Variants in CLK3 observed in about 807,000 individuals in gnomAD.
CLK3 encodes the protein dual specificity protein kinase CLK3.
In CLK3, 24 loss-of-function variants were observed where a neutral mutation model predicts 65.2. The observed-to-expected ratio is 0.37, with a 90% CI of 0.27 to 0.52. CLK3 has a LOEUF of 0.52. Among genes scored for constraint, CLK3 ranks in the 20% least tolerant of loss-of-function variants. The probability of loss-of-function intolerance (pLI) is 0.92; values close to 1 mark genes in which losing one functional copy is unlikely to be tolerated. For missense variants in CLK3, 506 were observed against 660.0 expected, an observed-to-expected ratio of 0.77 and a Z score of 2.56; for synonymous variants, 252 against 240.8, an observed-to-expected ratio of 1.05 and a Z score of -0.43.
Position 74,619,339 on chromosome 15 carries a change from G to A in CLK3, c.143G>A (p.Arg48Gln), listed in dbSNP as rs183588535. 65 of 1,614,054 alleles carry A rather than the reference G, an allele frequency of 4.0e-5. No individual in the cohort carries two copies. In the African/African-American group the frequency reaches 6.1e-4, roughly 15 times the overall value. Reference protein sequence around the residue: ...SRREPPPRRSRSRSHDRLPYQ... With the variant: ...SRREPPPRRSQSRSHDRLPYQ... ...AGGGAGCCTCCCCCACGAAGATCTC[G>A]GTCCAGAAGGTGAGAGGGAACTAGA... Residue 48 changes from arginine (R) to glutamine (Q), a missense_variant, in exon 2 of 13, where the codon CGG (arginine) becomes CAG (glutamine). Arg to Gln is a conservative substitution (Grantham distance 43). This residue lies in a region of CLK3 where 181 missense variants were observed against 159.4 expected (regional missense o/e 1.14). Transcript: ENST00000395066.
upstream of CLK3, chr15:74,615,637 G>C (rs549015478): frequency 1.6e-6 from 2 of 1,252,188 alleles, no homozygotes; most frequent in East Asian, 6.3e-5. Context: ...CGGGAGGCGG[G>C]CCGGGCCAGG....
rs778846487 is a variant in CLK3 at position 74,619,223 on chromosome 15, C to A, written c.27C>A (p.Ser9=). 7 of 1,614,068 alleles carry A rather than the reference C, an allele frequency of 4.3e-6. No individual in the cohort carries two copies. The South Asian group carries it at 4.4e-5, about 10-fold the overall frequency. The change falls in exon 2 of 13, where the codon TCC becomes TCA. Residue 9 remains serine, a synonymous_variant. Transcript: ENST00000395066. Reference sequence around the variant, plus strand: ...TGCATCACTGTAAGCGATACCGCTCCCCTGAACCAGACCCGTACCTGAGCT... The same window carrying A: ...TGCATCACTGTAAGCGATACCGCTCACCTGAACCAGACCCGTACCTGAGCT... MHHCKRYR[S]PEPDPYLSYR... is the part of the protein sequence containing the mutation.
upstream of CLK3, among the ~76,000 whole-genome samples, chr15:74,614,353 G>C (rs946252308): frequency 1.2e-4 from 19 of 152,108 alleles, no homozygotes; most frequent in South Asian, 6.2e-4. Flanking sequence ...TCCTTCTGTC[G>C]ACCAGGCTGG....
chr15:74,627,723 A>G lies in CLK3; in HGVS notation c.1042+55A>G. Reference sequence around the variant, plus strand: ...CATACTGGACTGTTGTTGGGAGGGTATGAGCAGAGGCAGTGGCATGCCTGT... The same window carrying G: ...CATACTGGACTGTTGTTGGGAGGGTGTGAGCAGAGGCAGTGGCATGCCTGT... On this transcript the variant is annotated intron_variant, in intron 9 of 12. Coordinates refer to ENST00000395066, the MANE Select transcript of CLK3 (RefSeq NM_001130028.2). This position sits in a 1 kb window ranked among gnomAD's most constrained non-coding sequence, Gnocchi z 4.3. 1.2e-6 allele frequency: 2 copies of G among 1,606,872 alleles called. No individual in the cohort carries two copies. The highest frequency in any genetic ancestry group is 1.7e-6 in the Non-Finnish European group (2 of 1,175,146).
At chr15:74,615,650 C>T (rs921715158), upstream of CLK3, 55 of 1,249,170 alleles carry the variant, frequency 4.4e-5, no homozygotes, top group South Asian at 3.2e-4. Flanking sequence ...GGGCCAGGCT[C>T]GTCCCCTCGG....
At chr15:74,628,396 A>G (rs1178279643) in intron 10 of CLK3, among the ~76,000 whole-genome samples, 2 of 152,086 alleles carry the variant, frequency 1.3e-5, no homozygotes, top group Admixed American at 6.6e-5. Flanking sequence ...ACCAGAGAGA[A>G]ATGTAGTCAC....
At chr15:74,625,306 A>G (rs937310449) in intron 6 of CLK3, among the ~76,000 whole-genome samples, 2 of 152,220 alleles carry the variant, frequency 1.3e-5, no homozygotes, top group African/African-American at 4.8e-5. Flanking sequence ...GGGCTCTCAC[A>G]TAGTAGGAGA....
chr15:74,615,696 G>GCCGGAGCGGAGAGGGCTGGTGCC, upstream of CLK3: 2 of 1,238,520 alleles, frequency 1.6e-6, no homozygotes, highest in African/African-American at 1.6e-5. Context: ...CGCGGCGCCC[G>GCCGGAGCGGAGAGGGCTGGTGCC]CCGGAGCGGA....
chr15:74,624,528 G>GTCGCC lies in CLK3; in HGVS notation c.534-374_534-373insTCGCC. The GTCGCC allele has an allele frequency of 4.4e-6, 1 of 225,006 alleles. No homozygotes were observed. Among genetic ancestry groups the GTCGCC allele is most frequent in the Non-Finnish European group, 8.9e-6 (1 of 112,682 alleles). 13.9% of individuals were successfully genotyped at this position (225,006 alleles called of 1,614,324 possible). On this transcript the variant is annotated intron_variant, in intron 5 of 12. Transcript: ENST00000395066. This position sits in a 1 kb window ranked among gnomAD's most constrained non-coding sequence, Gnocchi z 4.2. ...AGGCGCCGCAGGAGGGTTCTCGGTG[G>GTCGCC]GACAGCCTGGCCAGGGTTGGGGCTG...
At position 74,621,762 on chromosome 15, in the gene CLK3, G is replaced by A. The variant is rs1251651009; in HGVS notation, c.370-358G>A. The A allele has an allele frequency of 1.4e-5, 5 of 357,894 alleles. No homozygotes were observed. Among genetic ancestry groups the A allele is most frequent in the Non-Finnish European group, 2.8e-5 (5 of 181,700 alleles). 22.2% of individuals were successfully genotyped at this position (357,894 alleles called of 1,614,324 possible). A position where few individuals can be genotyped will look rare whatever the true frequency, so the allele number is the denominator to read the frequency against. On this transcript the variant is annotated intron_variant, in intron 3 of 12. Transcript: ENST00000395066. The surrounding 1 kb of genome is among the most constrained non-coding windows in gnomAD (Gnocchi z 4.8). ...GAGAGACTCGGAGGAGGAGGAGGAGGGAGTCGGGGCGATGGCTCTCCTCAC... is the reference window on the plus strand; with the variant it reads ...GAGAGACTCGGAGGAGGAGGAGGAGAGAGTCGGGGCGATGGCTCTCCTCAC...
At chr15:74,628,148 A>G in intron 10 of CLK3, 96 bp downstream of exon 10, 1 of 814,876 alleles carries the variant, frequency 1.2e-6, no homozygotes, top group Non-Finnish European at 2.1e-6. Flanking sequence ...ATGAGAAGAC[A>G]GGTGTCTTCC....
Position 74,627,843 on chromosome 15 carries a change from A to G in CLK3, c.1043-127A>G. 1 of 1,185,532 alleles carries G rather than the reference A, an allele frequency of 8.4e-7. No individual in the cohort carries two copies. Among genetic ancestry groups the G allele is most frequent in the Admixed American group, 1.8e-5 (1 of 56,132 alleles). The allele number at this position is 1,185,532 out of a possible 1,614,324, so 73.4% of individuals were successfully genotyped here. A position where few individuals can be genotyped will look rare whatever the true frequency, so the allele number is the denominator to read the frequency against. On this transcript the variant is annotated intron_variant, in intron 9 of 12. Transcript: ENST00000395066. The surrounding 1 kb of genome is among the most constrained non-coding windows in gnomAD (Gnocchi z 4.3). Reference sequence around the variant, plus strand: ...TGACCTGGCTTTATCTGTCAGCCTTACTGAGAGAGGGCCTCGTACTGGGAT... The same window carrying G: ...TGACCTGGCTTTATCTGTCAGCCTTGCTGAGAGAGGGCCTCGTACTGGGAT...
In CLK3 at chr15:74,622,262, C is replaced by G. The variant is rs370382489; in HGVS notation, c.466+46C>G. On this transcript the variant is annotated intron_variant, in intron 4 of 12. Coordinates refer to ENST00000395066, the MANE Select transcript of CLK3 (RefSeq NM_001130028.2). The surrounding 1 kb of genome is among the most constrained non-coding windows in gnomAD (Gnocchi z 4.6). Reference sequence around the variant, plus strand: ...ACTTTACCTCTCTACTTTCTACCCCCCTTGTTAGACGAGACCTCTCCTGCC... The same window carrying G: ...ACTTTACCTCTCTACTTTCTACCCCGCTTGTTAGACGAGACCTCTCCTGCC... The G allele has an allele frequency of 1.3e-6, 2 of 1,565,564 alleles. No homozygotes were observed. The highest frequency in any genetic ancestry group is 1.4e-5 in the African/African-American group (1 of 74,070).
Position 74,627,371 on chromosome 15 carries a change from G to C in CLK3, c.837G>C (p.Leu279=). ...CCTTAGTTCTGCATGAGAATCAGCT[G>C]ACCCATACAGACTTGAAACCAGAGA... ...HALRFLHENQ[L]THTDLKPENI... Residue 279 remains leucine (L), a synonymous_variant, in exon 8 of 13, where the codon CTG becomes CTC. Coordinates refer to ENST00000395066, the MANE Select transcript of CLK3 (RefSeq NM_001130028.2). This position sits in a 1 kb window ranked among gnomAD's most constrained non-coding sequence, Gnocchi z 4.3. 6.2e-7 allele frequency: 1 copy of C among 1,613,872 alleles called. No homozygotes were observed. Among genetic ancestry groups the C allele is most frequent in the South Asian group, 1.1e-5 (1 of 91,034 alleles).
Position 74,619,303 on chromosome 15 carries a change from A to T in CLK3, c.107A>T (p.Tyr36Phe). 1.2e-6 allele frequency: 2 copies of T among 1,614,092 alleles called. No homozygotes were observed. The highest frequency in any genetic ancestry group is 2.2e-5 in the South Asian group (2 of 91,074). ...CGGGAACATGAAGGGAGACTGCGAT[A>T]CCCGTCCCGAAGGGAGCCTCCCCCA... is the stretch of plus-strand genomic sequence containing the variant. Reference protein sequence around the residue: ...YSREHEGRLRYPSRREPPPRR... With the variant: ...YSREHEGRLRFPSRREPPPRR... Residue 36 changes from tyrosine (Y) to phenylalanine (F), a missense_variant, in exon 2 of 13, where the codon TAC becomes TTC. Around this residue, in one of 2 missense-constraint regions of CLK3, gnomAD observed 181 missense variants for 159.4 expected, o/e 1.14. Coordinates refer to ENST00000395066, the MANE Select transcript of CLK3 (RefSeq NM_001130028.2).
In CLK3 at chr15:74,621,677, G is replaced by A. The variant is rs1249892357; in HGVS notation, c.370-443G>A. The A allele has an allele frequency of 1.6e-5, 5 of 311,682 alleles. No individual in the cohort carries two copies. In the East Asian group the frequency reaches 3.3e-4, roughly 20 times the overall value. 19.3% of individuals were successfully genotyped at this position (311,682 alleles called of 1,614,324 possible). ...CAGGCGGGGCCAGCTGCCTTCTTGC[G>A]CCGCCGTTCTCACTGCATCTTCCGC... On this transcript the variant is annotated intron_variant, in intron 3 of 12. Transcript: ENST00000395066. This position sits in a 1 kb window ranked among gnomAD's most constrained non-coding sequence, Gnocchi z 4.8.
intron 2 of CLK3, 97 bp downstream of exon 2, chr15:74,619,445 G>C (rs992987528): frequency 7.3e-7 from 1 of 1,375,992 alleles, no homozygotes; most frequent in African/African-American, 1.4e-5. Context: ...TCCCTGCCCA[G>C]CTGTCCCTGG....
intron 5 of CLK3, chr15:74,623,852 G>A (rs567518317): frequency 6.6e-6 from 1 of 152,270 alleles, no homozygotes; most frequent in East Asian, 1.9e-4. Context: ...CTTATTCTAA[G>A]AGCAGTGCAA....
chr15:74,610,842 T>TGAGCTAA (rs2061980551), upstream of CLK3, among the ~76,000 whole-genome samples: 1 of 152,210 alleles, frequency 6.6e-6, no homozygotes, highest in Non-Finnish European at 1.5e-5. Flanking sequence ...GGGCCAGCTG[T>TGAGCTAA]GAGCTAAGAC....
Sources: allele counts gnomAD v4.1 joint callset (sites outside exome capture counted in the v4.1 genomes callset), GRCh38; gene constraint gnomAD v4.1.1; regional missense constraint gnomAD v4.1.1; non-coding constraint Gnocchi (gnomAD v3.1); transcripts MANE v1.5; gene names NCBI Gene and HGNC (gene_info 2026-07-23, HGNC 2026-07-21).